Variants in GLDC observed in about 807,000 individuals in gnomAD.
GLDC encodes glycine decarboxylase.
In GLDC, 104 loss-of-function variants were observed where a neutral mutation model predicts 121.3. The observed-to-expected ratio is 0.86, with a 90% CI of 0.73 to 1.01. The LOEUF is 1.01. GLDC is among the 50% of genes least tolerant of loss of function. The pLI, the probability that GLDC is intolerant of heterozygous loss-of-function variation, is 0.00. For synonymous variants in GLDC, 546 were observed against 480.6 expected (o/e 1.14, Z -1.78); for missense variants, 1,429 against 1,306.6 (o/e 1.09, Z -1.44).
intron 2 of GLDC, among the ~76,000 whole-genome samples, chr9:6,627,205 A>C (rs1467740994): frequency 6.7e-6 from 1 of 149,198 alleles, no homozygotes; most frequent in Admixed American, 6.7e-5. Flanking sequence ...CTGAGGCAGG[A>C]GAATGGCGTG....
At chr9:6,615,593 A>T (rs1563862624) in intron 3 of GLDC, among the ~76,000 whole-genome samples, 1 of 151,958 alleles carries the variant, frequency 6.6e-6, no homozygotes, top group African/African-American at 2.4e-5. Flanking sequence ...AAAAAAAAAA[A>T]AAAGACCTAG....
At chr9:6,604,161 TG>T (rs1217012162) in intron 7 of GLDC, among the ~76,000 whole-genome samples, 7 of 152,208 alleles carry the variant, frequency 4.6e-5, no homozygotes, top group Non-Finnish European at 8.8e-5. Flanking sequence ...ATTACTCAAA[TG>T]GCCACGTGGC....
intron 7 of GLDC, among the ~76,000 whole-genome samples, chr9:6,603,682 G>C (rs1001526992): frequency 7.3e-5 from 11 of 150,908 alleles, no homozygotes; most frequent in Non-Finnish European, 1.2e-4. Flanking sequence ...AATTTCCCCA[G>C]TAATAATCCT....
intron 16 of GLDC, among the ~76,000 whole-genome samples, chr9:6,563,749 C>T (rs1817801566): frequency 6.6e-6 from 1 of 152,210 alleles, no homozygotes; most frequent in South Asian, 2.1e-4. Context: ...TGGTTGACCA[C>T]TTCACTTCTC....
At chr9:6,582,670 A>G (rs1056679205) in intron 15 of GLDC, among the ~76,000 whole-genome samples, 2 of 151,792 alleles carry the variant, frequency 1.3e-5, no homozygotes, top group Non-Finnish European at 2.9e-5. Flanking sequence ...TCTACTAAAA[A>G]TACAAAAAAT....
At chr9:6,607,311 G>A (rs781690874) in intron 4 of GLDC, among the ~76,000 whole-genome samples, 19 of 152,072 alleles carry the variant, frequency 1.2e-4, no homozygotes, top group African/African-American at 4.1e-4. Context: ...GGACAGGTGC[G>A]GTGGCTCACA....
intron 17 of GLDC, among the ~76,000 whole-genome samples, chr9:6,557,404 G>A (rs1817657127): frequency 6.6e-6 from 1 of 152,102 alleles, no homozygotes; most frequent in South Asian, 2.1e-4. Context: ...GACTATCCTG[G>A]CCAATACGGG....
intron 16 of GLDC, 86 bp from the exon 17 acceptor site, chr9:6,558,770 G>A (rs900680720): frequency 1.4e-6 from 2 of 1,398,386 alleles, no homozygotes; most frequent in Non-Finnish European, 2.0e-6. Flanking sequence ...CATGCTTGTA[G>A]CACAAATTAG....
intron 15 of GLDC, chr9:6,567,037 C>A (rs1199900128): frequency 6.6e-6 from 1 of 151,962 alleles, no homozygotes; most frequent in Non-Finnish European, 1.5e-5. Context: ...ACACTGTGCT[C>A]TCCAAGGACG....
At chr9:6,611,121 C>T (rs763430358) in intron 3 of GLDC, among the ~76,000 whole-genome samples, 5 of 152,208 alleles carry the variant, frequency 3.3e-5, no homozygotes, top group Non-Finnish European at 7.3e-5. Context: ...TATCCAGTTA[C>T]TAAGAGTCCA....
At chr9:6,629,958 T>TGTATATATATATG in intron 2 of GLDC, among the ~76,000 whole-genome samples, 1 of 78,676 alleles carries the variant, frequency 1.3e-5, no homozygotes, top group African/African-American at 6.1e-5. Flanking sequence ...TATATATATA[T>TGTATATATATATG]TTTTTTTTTT....
chr9:6,589,070 C>A, intron 12 of GLDC, 125 bp downstream of exon 12: 1 of 756,722 alleles, frequency 1.3e-6, no homozygotes. Flanking sequence ...GGATGAAATA[C>A]TTGGGAGCCA....
rs1819657488 is a variant in GLDC at position 6,642,943 on chromosome 9, G to A, written c.334+1671C>T. ...AGACAGGGTCTCACTCTGTTACTCA[G>A]GTGGAAGTGCAGTGGAGCCATCTTG... On this transcript the variant is annotated intron_variant, in intron 2 of 24. Coordinates refer to ENST00000321612, the MANE Select transcript of GLDC (RefSeq NM_000170.3). Among the ~76,000 whole-genome samples, 3 of 151,032 alleles carry A rather than the reference G, an allele frequency of 2.0e-5. 1 individual carries two copies. In the South Asian group the frequency reaches 6.3e-4, roughly 32 times the overall value.
In GLDC at chr9:6,576,364, G is replaced by A. The variant is rs1000288764; in HGVS notation, c.1850+10777C>T. ...TCTCTGGGGTCTTTCTTAAAATAAT[G>A]GCACTAATCCCATTCAGGATTGTAC... is the stretch of plus-strand genomic sequence containing the variant. On this transcript the variant is annotated intron_variant, in intron 15 of 24. Transcript: ENST00000321612. 2.6e-5 allele frequency among the ~76,000 whole-genome samples: 4 copies of A among 152,212 alleles called. No individual in the cohort carries two copies. The East Asian group carries it at 7.7e-4, about 29-fold the overall frequency.
intron 9 of GLDC, 143 bp downstream of exon 9, chr9:6,594,871 A>G: frequency 4.3e-6 from 3 of 696,390 alleles, no homozygotes. Context: ...CAACAAAATA[A>G]TCATGGATGT....
chr9:6,623,249 CTT>C (rs1302477608), intron 2 of GLDC, among the ~76,000 whole-genome samples: 3 of 139,850 alleles, frequency 2.1e-5, no homozygotes, highest in African/African-American at 5.6e-5. Flanking sequence ...ACATGGGAGA[CTT>C]TTCATTTTGT....
chr9:6,631,737 G>A (rs765759410), intron 2 of GLDC, among the ~76,000 whole-genome samples: 2 of 152,208 alleles, frequency 1.3e-5, no homozygotes, highest in Admixed American at 6.5e-5. Flanking sequence ...CTCAAACAGT[G>A]TATCATGCTT....
chr9:6,563,726 G>C (rs1817801103), intron 16 of GLDC, among the ~76,000 whole-genome samples: 1 of 152,210 alleles, frequency 6.6e-6, no homozygotes, highest in South Asian at 2.1e-4. Context: ...GAATTTCAGG[G>C]TCTGTGTCTG....
At chr9:6,537,113 C>G (rs1374544588) in intron 22 of GLDC, among the ~76,000 whole-genome samples, 2 of 151,638 alleles carry the variant, frequency 1.3e-5, no homozygotes, top group South Asian at 2.1e-4. Flanking sequence ...TCACTGCAGC[C>G]TCAACCTCCT....
Sources: gnomAD v4.1 joint callset for allele counts (sites outside exome capture counted in the v4.1 genomes callset) on GRCh38, gnomAD v4.1.1 for gene constraint, MANE v1.5 for transcripts, NCBI Gene and HGNC (gene_info 2026-07-23, HGNC 2026-07-21) for gene names.